The following RTL9 variants were observed in gnomAD, a reference collection of about 807,000 sequenced individuals.
RTL9 encodes retrotransposon Gag like 9.
Under a neutral mutation model 44.7 loss-of-function variants are expected in RTL9, and 19 were observed. The observed-to-expected ratio is 0.42, with a 90% confidence interval of 0.30 to 0.62. The LOEUF (loss-of-function observed/expected upper bound fraction) is 0.62. RTL9 is among the 20% of genes least tolerant of loss of function. The pLI is 0.16. For synonymous variants in RTL9, 407 were observed against 398.9 expected, an observed-to-expected ratio of 1.02 and a Z score of -0.24; for missense variants, 1,105 against 1,080.6, an observed-to-expected ratio of 1.02 and a Z score of -0.32.
At chrX:110,381,595 C>A (rs2068419670) in intron 1 of RTL9, among the ~76,000 whole-genome samples, 1 of 111,565 alleles carries the variant, frequency 9.0e-6, no homozygotes, top group Admixed American at 9.5e-5. Flanking sequence ...GGAAAATAAA[C>A]CATTCTACCA....
At position 110,442,221 on chromosome X, in the gene RTL9, T is replaced by TTCTCTCTCTC. The variant is rs781098261; in HGVS notation, c.-167-2914_-167-2905dup. ...TATATTGGAATTTGGATCGAAGTCT[T>TTCTCTCTCTC]TCTCTCTCTCTCTCTCTCTCTCTCT... On this transcript the variant is annotated intron_variant, in intron 1 of 3. Transcript: ENST00000465301. Among the ~76,000 whole-genome samples the TTCTCTCTCTC allele has an allele frequency of 8.0e-3, 578 of 72,572 alleles. 9 individuals carry two copies. The highest frequency in any genetic ancestry group is 0.023 in the African/African-American group (350 of 15,007). 63.0% of individuals were successfully genotyped at this position (72,572 alleles called of 115,157 possible). A position where few individuals can be genotyped will look rare whatever the true frequency, so the allele number is the denominator to read the frequency against.
intron 1 of RTL9, among the ~76,000 whole-genome samples, chrX:110,376,345 AAGC>A (rs1262330582): frequency 9.0e-6 from 1 of 110,870 alleles, no homozygotes; most frequent in Admixed American, 9.6e-5. Context: ...GGTAGTTTGC[AAGC>A]AGAAGTTAGC....
chrX:110,392,187 T>C (rs1374402526), intron 1 of RTL9, among the ~76,000 whole-genome samples: 2 of 111,013 alleles, frequency 1.8e-5, no homozygotes, highest in Admixed American at 1.9e-4. Flanking sequence ...ATTATTCAAC[T>C]ATCAGCTTCA....
At chrX:110,422,010 C>T (rs973720524) in intron 1 of RTL9, among the ~76,000 whole-genome samples, 1 of 113,192 alleles carries the variant, frequency 8.8e-6, no homozygotes, top group African/African-American at 3.2e-5. Context: ...TTGTTTTATT[C>T]TAAGTTCCCA....
At chrX:110,445,117 AC>A (rs2068901586) in intron 1 of RTL9, 35 bp from the exon 2 acceptor site, 1 of 112,537 alleles carries the variant, frequency 8.9e-6, no homozygotes, top group Non-Finnish European at 1.9e-5. Context: ...CTTTGGAGCT[AC>A]CCAGAACACA....
chrX:110,384,321 T>C (rs1487819692), intron 1 of RTL9, among the ~76,000 whole-genome samples: 7 of 110,865 alleles, frequency 6.3e-5, no homozygotes, highest in Admixed American at 3.8e-4. Context: ...TGGGTTTGGA[T>C]CTTGATTCTG....
At chrX:110,455,980 A>C (rs965437112) in exon 2 of RTL9, 2 of 112,675 alleles carry the variant, frequency 1.8e-5, no homozygotes, top group African/African-American at 6.5e-5. Context: ...CAGTAACACA[A>C]CTTGTTCTTG....
At chrX:110,451,121 A>G (rs1292085528) in exon 1 of RTL9, 1 of 1,210,896 alleles carries the variant, frequency 8.3e-7, no homozygotes, top group African/African-American at 1.7e-5. Context: ...CACCATTGGC[A>G]ATGCCAGCTC....
At chrX:110,397,602 GT>G (rs2068536443) in intron 1 of RTL9, among the ~76,000 whole-genome samples, 2 of 111,054 alleles carry the variant, frequency 1.8e-5, no homozygotes, top group South Asian at 7.8e-4. Context: ...AAGAGACACA[GT>G]CACTGCTGGG....
chrX:110,386,359 T>C (rs2068455263), intron 1 of RTL9, among the ~76,000 whole-genome samples: 1 of 109,993 alleles, frequency 9.1e-6, no homozygotes, highest in Non-Finnish European at 1.9e-5. Flanking sequence ...TATTTTTTAT[T>C]TATTTTTTAT....
chrX:110,447,111 C>CTTT (rs1181988453), upstream of RTL9, among the ~76,000 whole-genome samples: 528 of 36,801 alleles, frequency 0.014, 96 homozygotes, highest in African/African-American at 0.076. Context: ...TATTCTGTGA[C>CTTT]TTTTTTTTTT....
At chrX:110,418,518 C>T (rs887404275), upstream of RTL9, among the ~76,000 whole-genome samples, 43 of 111,816 alleles carry the variant, frequency 3.8e-4, no homozygotes, top group African/African-American at 1.3e-3. Context: ...TTTTTCCAGC[C>T]GTCAGATTTC....
intron 1 of RTL9, among the ~76,000 whole-genome samples, chrX:110,405,466 T>C (rs149657384): frequency 0.041 from 4,576 of 111,490 alleles, 127 homozygotes; most frequent in African/African-American, 0.094. Context: ...CAGCTGGCTG[T>C]TTCTCCAAGA....
chrX:110,378,679 C>A (rs2068396431), intron 1 of RTL9, among the ~76,000 whole-genome samples: 1 of 112,114 alleles, frequency 8.9e-6, no homozygotes, highest in African/African-American at 3.2e-5. Context: ...CTGGAATTAA[C>A]TGCCTGCCAC....
intron 1 of RTL9, among the ~76,000 whole-genome samples, chrX:110,440,986 T>C (rs186693228): frequency 8.9e-6 from 1 of 111,962 alleles, no homozygotes; most frequent in East Asian, 2.8e-4. Flanking sequence ...TCATCAGGTA[T>C]GTCAAAAACC....
chrX:110,373,804 TA>T (rs1189704039), intron 1 of RTL9, among the ~76,000 whole-genome samples: 1 of 111,471 alleles, frequency 9.0e-6, no homozygotes, highest in Non-Finnish European at 1.9e-5. Flanking sequence ...ACCAAATAAA[TA>T]GGCCAGAAAT....
chrX:110,370,770 A>G (rs940347860), intron 1 of RTL9, among the ~76,000 whole-genome samples: 1 of 112,277 alleles, frequency 8.9e-6, no homozygotes, highest in Non-Finnish European at 1.9e-5. Context: ...CCACATGGCT[A>G]AGATGTTCAC....
At chrX:110,374,161 T>A (rs2068359246) in intron 1 of RTL9, among the ~76,000 whole-genome samples, 1 of 111,945 alleles carries the variant, frequency 8.9e-6, no homozygotes, top group South Asian at 3.7e-4. Context: ...ACCATGTACC[T>A]AGTTCTAAGC....
chrX:110,432,759 C>T (rs944285413), intron 1 of RTL9, among the ~76,000 whole-genome samples: 1 of 112,418 alleles, frequency 8.9e-6, no homozygotes, highest in African/African-American at 3.2e-5. Context: ...TCCCTGCTCT[C>T]TCTTTCCCCA....
Sources: allele counts gnomAD v4.1 joint callset (sites outside exome capture counted in the v4.1 genomes callset), GRCh38; gene constraint gnomAD v4.1.1; transcripts MANE v1.5; gene names NCBI Gene and HGNC (gene_info 2026-07-23, HGNC 2026-07-21).